CYP4A11: variants seen among roughly 807,000 people sequenced by gnomAD.
The protein encoded by CYP4A11 is cytochrome P450 family 4 subfamily A member 11.
CYP4A11 carries 52 observed loss-of-function variants against 57.7 expected under a neutral mutation model. That is an observed-to-expected ratio of 0.90 (90% CI 0.72 to 1.14). The LOEUF (loss-of-function observed/expected upper bound fraction) is 1.14. CYP4A11 is among the 50% of genes most tolerant of loss of function. The probability of loss-of-function intolerance (pLI) is 0.00; values close to 1 mark genes in which losing one functional copy is unlikely to be tolerated. For missense variants in CYP4A11, 641 were observed against 642.1 expected (o/e 1.00, Z 0.02); for synonymous variants, 228 against 247.1 (o/e 0.92, Z 0.72).
rs1260631831 is a variant in CYP4A11 at position 46,935,070 on chromosome 1, G to A, written c.720C>T (p.Asp240=). 1.2e-6 allele frequency: 2 copies of A among 1,614,192 alleles called. No homozygotes were observed. The highest frequency in any genetic ancestry group is 1.7e-5 in the Admixed American group (1 of 60,028). Reference sequence around the variant, plus strand: ...CAGCAGAGGTCAGGCTGTAGATGGTGTCATTCTGGTGAAAGGCATTCCTCA... The same window carrying A: ...CAGCAGAGGTCAGGCTGTAGATGGTATCATTCTGGTGAAAGGCATTCCTCA... ...SRVRNAFHQN[D]TIYSLTSAGR... is the part of the protein sequence containing the mutation. The change falls in exon 6 of 12, where the codon GAC becomes GAT. Residue 240 remains aspartate (D), a synonymous_variant. Transcript: ENST00000310638.
intron 11 of CYP4A11, 198 bp downstream of exon 11, chr1:46,932,563 C>T: frequency 6.8e-7 from 1 of 1,462,904 alleles, no homozygotes; most frequent in Non-Finnish European, 9.0e-7. Flanking sequence ...GGAGCAAAGT[C>T]TCCATGGGGT....
chr1:46,933,474 G>A (rs755589276), intron 9 of CYP4A11, among the ~76,000 whole-genome samples: 5 of 152,188 alleles, frequency 3.3e-5, no homozygotes, highest in Non-Finnish European at 7.3e-5. Flanking sequence ...ACTAGGTTAT[G>A]GCAGGACTGG....
At chr1:46,940,840 G>C (rs1480182169) in intron 1 of CYP4A11, 1 of 985,268 alleles carries the variant, frequency 1.0e-6, no homozygotes, top group Non-Finnish European at 1.2e-6. Flanking sequence ...ATGGGTGTCT[G>C]TGCTCCCTGG....
In CYP4A11 at chr1:46,935,510, G is replaced by A. The variant is rs565726317; in HGVS notation, c.635+13C>T. ...AAGAACAAGGGCCCTGCAGCTGGAG[G>A]GTTGTCACTGACCTGTCCACCTGGA... On this transcript the variant is annotated intron_variant, in intron 5 of 11. Transcript: ENST00000310638. 3 of 1,608,882 alleles carry A rather than the reference G, an allele frequency of 1.9e-6. No homozygotes were observed. The highest frequency in any genetic ancestry group is 2.7e-5 in the African/African-American group (2 of 74,778).
At chr1:46,932,957 A>G (rs1681118892) in intron 10 of CYP4A11, 26 bp downstream of exon 10, 1 of 1,614,048 alleles carries the variant, frequency 6.2e-7, no homozygotes, top group Non-Finnish European at 8.5e-7. Flanking sequence ...GGATCACCTC[A>G]TTTCCTCCTC....
rs918337365 is a variant in CYP4A11 at position 46,930,019 on chromosome 1, G to C, written c.*96C>G. On this transcript the variant is annotated 3_prime_UTR_variant, in exon 12 of 12. Coordinates refer to ENST00000310638, the MANE Select transcript of CYP4A11 (RefSeq NM_000778.4). The stretch of plus-strand genomic sequence containing the variant: ...AGACTGGGGGACAGCAGGCAGGTGG[G>C]AAGAAGGGAAGGTGGGCAGACAGAA... 7.0e-6 allele frequency: 10 copies of C among 1,428,096 alleles called. No homozygotes were observed. Among genetic ancestry groups the C allele is most frequent in the Non-Finnish European group, 9.4e-6 (10 of 1,068,776 alleles). The allele number at this position is 1,428,096 out of a possible 1,614,324, so 88.5% of individuals were successfully genotyped here.
rs540094739 is a variant in CYP4A11 at position 46,933,197 on chromosome 1, G to T, written c.1223-150C>A. ...GATGATTCTGCCATTATGCAGGTGG[G>T]TTAGGCTTAACAAAGCATGTGAGTT... On this transcript the variant is annotated intron_variant, in intron 9 of 11. Coordinates refer to ENST00000310638, the MANE Select transcript of CYP4A11 (RefSeq NM_000778.4). The T allele has an allele frequency of 1.3e-5, 15 of 1,156,570 alleles. No individual in the cohort carries two copies. The South Asian group carries it at 1.8e-4, about 14-fold the overall frequency. The allele number at this position is 1,156,570 out of a possible 1,614,324, so 71.6% of individuals were successfully genotyped here. A position where few individuals can be genotyped will look rare whatever the true frequency, so the allele number is the denominator to read the frequency against.
chr1:46,930,506 C>T (rs980077385), intron 11 of CYP4A11, among the ~76,000 whole-genome samples, 196 bp from the exon 12 acceptor site: 2 of 152,152 alleles, frequency 1.3e-5, no homozygotes, highest in African/African-American at 2.4e-5. Flanking sequence ...TGGACAGAGC[C>T]GTCTTCCTGG....
At chr1:46,940,698 C>A in intron 1 of CYP4A11, 2 of 985,434 alleles carry the variant, frequency 2.0e-6, no homozygotes, top group Non-Finnish European at 1.2e-6. Flanking sequence ...AGTTGGTCCC[C>A]TATACCAGCA....
chr1:46,938,183 CTT>C (rs1179735193), intron 1 of CYP4A11, 46 bp from the exon 2 acceptor site: 1 of 1,611,536 alleles, frequency 6.2e-7, no homozygotes, highest in Non-Finnish European at 8.5e-7. Flanking sequence ...TACTTCTAGT[CTT>C]TGCAGCAGGA....
chr1:46,937,821 C>T (rs1403555964), intron 2 of CYP4A11, among the ~76,000 whole-genome samples, 175 bp downstream of exon 2: 1 of 152,086 alleles, frequency 6.6e-6, no homozygotes, highest in African/African-American at 2.4e-5. Context: ...TTTAAACATT[C>T]GGAGTTCAGT....
chr1:46,932,726 T>G, intron 11 of CYP4A11, 35 bp downstream of exon 11: 1 of 1,614,196 alleles, frequency 6.2e-7, no homozygotes, highest in Non-Finnish European at 8.5e-7. Flanking sequence ...ACTTCCCTCA[T>G]TCCTCTATTC....
intron 11 of CYP4A11, among the ~76,000 whole-genome samples, chr1:46,931,259 G>A (rs1681010897): frequency 6.6e-6 from 1 of 152,084 alleles, no homozygotes; most frequent in Non-Finnish European, 1.5e-5. Flanking sequence ...CCTGCCAGCT[G>A]GGCCTCTCCC....
intron 1 of CYP4A11, among the ~76,000 whole-genome samples, chr1:46,939,875 T>C (rs1681644302): frequency 6.9e-6 from 1 of 145,478 alleles, no homozygotes; most frequent in South Asian, 2.4e-4. Context: ...GGCAGAGTGG[T>C]ATTGGGACCA....
chr1:46,934,300 C>T lies in CYP4A11; in HGVS notation c.964G>A (p.Gly322Ser). The change falls in exon 8 of 12, where the codon GGC (glycine) becomes AGC (serine). Residue 322 changes from glycine (G) to serine (S), a missense_variant. Transcript: ENST00000310638. ...ATCCCACTGGCTGTGGTGTCGTGGC[C>T]CTCAAACATGAACGTGTCCACCTCA... ...RAEVDTFMFE[G>S]HDTTASGISW... 6.2e-7 allele frequency: 1 copy of T among 1,610,496 alleles called. No individual in the cohort carries two copies. Among genetic ancestry groups the T allele is most frequent in the Non-Finnish European group, 8.5e-7 (1 of 1,178,732 alleles).
Position 46,941,429 on chromosome 1 carries a change from C to G in CYP4A11, c.5G>C (p.Ser2Thr). Residue 2 changes from serine to threonine, a missense_variant, in exon 1 of 12, where the codon AGT (serine) becomes ACT (threonine). By Grantham distance (58) the Ser-to-Thr change is moderately conservative (BLOSUM62 1). Transcript: ENST00000310638. M[S>T]VSVLSPSRLL... is the part of the protein sequence containing the mutation. ...TCTGCTGGGGCTCAGCACAGAGACA[C>G]TCATGGTGCAGCACCTGCTGGATCT... 1.2e-6 allele frequency: 2 copies of G among 1,613,876 alleles called. No individual in the cohort carries two copies. Among genetic ancestry groups the G allele is most frequent in the Non-Finnish European group, 1.7e-6 (2 of 1,179,848 alleles).
chr1:46,935,053 G>A lies in CYP4A11; in HGVS notation c.737C>T (p.Thr246Ile). 2 of 1,614,224 alleles carry A rather than the reference G, an allele frequency of 1.2e-6. No individual in the cohort carries two copies. Among genetic ancestry groups the A allele is most frequent in the South Asian group, 1.1e-5 (1 of 91,084 alleles). ...FHQNDTIYSL[T>I]SAGRWTHRAC... is the part of the protein sequence containing the mutation. ...GCGGTGTGTCCAGCGGCCAGCAGAG[G>A]TCAGGCTGTAGATGGTGTCATTCTG... is the stretch of plus-strand genomic sequence containing the variant. Residue 246 changes from threonine (T) to isoleucine (I), a missense_variant, in exon 6 of 12, where the codon ACC becomes ATC. Coordinates refer to ENST00000310638, the MANE Select transcript of CYP4A11 (RefSeq NM_000778.4).
At chr1:46,939,868 A>G (rs9332987) in intron 1 of CYP4A11, among the ~76,000 whole-genome samples, 7 of 145,292 alleles carry the variant, frequency 4.8e-5, no homozygotes, top group South Asian at 2.4e-4. Flanking sequence ...GAAAGAAGGC[A>G]GAGTGGTATT....
chr1:46,929,714 A>G lies in CYP4A11; in HGVS notation c.*401T>C, dbSNP rs1680894936. 8.1e-6 allele frequency: 1 copy of G among 124,012 alleles called. No individual in the cohort carries two copies. Among genetic ancestry groups the G allele is most frequent in the Non-Finnish European group, 1.9e-5 (1 of 53,660 alleles). 7.7% of individuals were successfully genotyped at this position (124,012 alleles called of 1,614,324 possible). On this transcript the variant is annotated 3_prime_UTR_variant, in exon 12 of 12. Transcript: ENST00000310638. ...GAGCCACGAGCCCTGGATTCTATCC[A>G]AGCCACGAGGGGTTTTATGCCCCGG... is the stretch of plus-strand genomic sequence containing the variant.
Sources: gnomAD v4.1 joint callset for allele counts (sites outside exome capture counted in the v4.1 genomes callset) on GRCh38, gnomAD v4.1.1 for gene constraint, MANE v1.5 for transcripts, NCBI Gene and HGNC (gene_info 2026-07-23, HGNC 2026-07-21) for gene names.